Variants in SPOCK1 observed in about 807,000 individuals in gnomAD.
The protein encoded by SPOCK1 is SPARC (osteonectin), cwcv and kazal like domains proteoglycan 1.
Under a neutral mutation model 55.3 loss-of-function variants are expected in SPOCK1, and 23 were observed. The ratio of observed to expected loss-of-function variants is 0.42; its 90% CI spans 0.30 to 0.59. The LOEUF is 0.59. SPOCK1 is among the 20% of genes least tolerant of loss of function. SPOCK1 has a pLI of 0.22. For missense variants in SPOCK1, 499 were observed against 552.5 expected, an observed-to-expected ratio of 0.90 and a Z score of 0.97; for synonymous variants, 226 against 221.0, an observed-to-expected ratio of 1.02 and a Z score of -0.20.
intron 2 of SPOCK1, among the ~76,000 whole-genome samples, chr5:137,465,367 C>A (rs540192732): frequency 1.3e-5 from 2 of 152,062 alleles, no homozygotes; most frequent in Admixed American, 6.6e-5. Context: ...ACACCATGGG[C>A]AAAGCAAAGC....
chr5:137,469,835 C>A (rs1012529901), intron 2 of SPOCK1, among the ~76,000 whole-genome samples: 1 of 152,152 alleles, frequency 6.6e-6, no homozygotes, highest in Non-Finnish European at 1.5e-5. Context: ...TGGCCACCCC[C>A]ACCCAAGAGG....
rs1561617756 is a variant in SPOCK1 at position 137,123,345 on chromosome 5, TC to T, written c.348-10785del. Among the ~76,000 whole-genome samples the T allele has an allele frequency of 7.9e-5, 12 of 152,238 alleles. No individual in the cohort carries two copies. In the South Asian group the frequency reaches 2.5e-3, roughly 32 times the overall value. The stretch of plus-strand genomic sequence containing the variant: ...ACTTGTCTTCTGCTGGTATGCCCCA[TC>T]CGTTCCCAAAGGTGAGCTCAAGTAG... On this transcript the variant is annotated intron_variant, in intron 4 of 10. Transcript: ENST00000394945.
At chr5:137,318,509 G>A (rs1296507820) in intron 2 of SPOCK1, among the ~76,000 whole-genome samples, 2 of 152,166 alleles carry the variant, frequency 1.3e-5, no homozygotes, top group Non-Finnish European at 2.9e-5. Flanking sequence ...ATCCCTCTCA[G>A]TACCTTGAGA....
intron 2 of SPOCK1, among the ~76,000 whole-genome samples, chr5:137,355,692 G>A (rs988920884): frequency 2.0e-5 from 3 of 152,092 alleles, no homozygotes; most frequent in Non-Finnish European, 2.9e-5. Context: ...TTTGCATCAA[G>A]GACCTGAGCC....
intron 3 of SPOCK1, among the ~76,000 whole-genome samples, chr5:137,265,513 T>A (rs1018342489): frequency 3.3e-5 from 5 of 152,238 alleles, no homozygotes; most frequent in African/African-American, 1.2e-4. Context: ...CCAGTATTCT[T>A]CATAGATAAA....
intron 2 of SPOCK1, among the ~76,000 whole-genome samples, chr5:137,394,836 C>A: frequency 6.6e-6 from 1 of 152,176 alleles, no homozygotes; most frequent in Non-Finnish European, 1.5e-5. Context: ...ATCTGGGGGT[C>A]CTTAACCCAA....
At chr5:137,225,264 AGTTAG>A (rs1329165676) in intron 3 of SPOCK1, among the ~76,000 whole-genome samples, 2 of 152,056 alleles carry the variant, frequency 1.3e-5, no homozygotes, top group Non-Finnish European at 2.9e-5. Context: ...ATCTTGAGAG[AGTTAG>A]TTAACTGCTC....
At chr5:137,164,338 T>C (rs554957690) in intron 3 of SPOCK1, among the ~76,000 whole-genome samples, 2 of 152,148 alleles carry the variant, frequency 1.3e-5, no homozygotes, top group East Asian at 1.9e-4. Context: ...AGACACACCA[T>C]GGGACAGAAG....
intron 2 of SPOCK1, among the ~76,000 whole-genome samples, chr5:137,442,694 C>G (rs781240342): frequency 2.6e-5 from 4 of 152,180 alleles, no homozygotes; most frequent in Non-Finnish European, 5.9e-5. Context: ...CATGTGCACT[C>G]AAGGAAGGAA....
intron 10 of SPOCK1, 70 bp from the exon 11 acceptor site, chr5:136,978,914 T>C: frequency 6.8e-7 from 1 of 1,479,776 alleles, no homozygotes. Flanking sequence ...GGGGTTCCTT[T>C]GCCTGAATTG....
intron 2 of SPOCK1, among the ~76,000 whole-genome samples, chr5:137,393,085 C>G (rs888729006): frequency 1.3e-5 from 2 of 152,134 alleles, no homozygotes; most frequent in African/African-American, 4.8e-5. Flanking sequence ...TCTGCCCACC[C>G]CCTGCATCTA....
chr5:137,043,896 T>C (rs887129202), intron 6 of SPOCK1, among the ~76,000 whole-genome samples: 1 of 152,198 alleles, frequency 6.6e-6, no homozygotes, highest in African/African-American at 2.4e-5. Flanking sequence ...ACATGGACTT[T>C]AGCTGATTAT....
chr5:137,422,292 T>C (rs1478629071), intron 2 of SPOCK1, among the ~76,000 whole-genome samples: 1 of 152,214 alleles, frequency 6.6e-6, no homozygotes, highest in Non-Finnish European at 1.5e-5. Context: ...GGAGTATCTT[T>C]GTGGCATTCT....
Position 137,404,928 on chromosome 5 carries a change from T to C in SPOCK1, c.186+93445A>G, listed in dbSNP as rs189415701. 2.3e-3 allele frequency among the ~76,000 whole-genome samples: 354 copies of C among 152,326 alleles called. 9 individuals carry two copies. Among genetic ancestry groups the C allele is most frequent in the Admixed American group, 0.02 (309 of 15,310 alleles). On this transcript the variant is annotated intron_variant, in intron 2 of 10. Transcript: ENST00000394945. ...GCTTATTAGTTTTTATGTTTAAAAA[T>C]ACTCCATCCTTCCATTCAAATCTGG... is the stretch of plus-strand genomic sequence containing the variant.
chr5:137,404,624 T>A (rs1198028443), intron 2 of SPOCK1, among the ~76,000 whole-genome samples: 1 of 151,122 alleles, frequency 6.6e-6, no homozygotes, highest in Admixed American at 6.6e-5. Context: ...TTCACTATGC[T>A]GGCTAGGCTG....
At chr5:137,254,310 C>T (rs1756593867) in intron 3 of SPOCK1, among the ~76,000 whole-genome samples, 1 of 152,086 alleles carries the variant, frequency 6.6e-6, no homozygotes, top group African/African-American at 2.4e-5. Flanking sequence ...TTTCATAATA[C>T]CTGCTTGAAA....
Position 137,112,492 on chromosome 5 carries a change from A to T in SPOCK1, c.417T>A (p.Cys139Ter), listed in dbSNP as rs750002255. 6.2e-7 allele frequency: 1 copy of T among 1,613,924 alleles called. No homozygotes were observed. Among genetic ancestry groups the T allele is most frequent in the South Asian group, 1.1e-5 (1 of 91,060 alleles). ...GPSNLVKCKP[C>*]PVAQSAMVCG... ...AGACCATGGCTGACTGTGCCACGGG[A>T]CAGGGCTTGCACTTGACCAAATTCG... The change falls in exon 5 of 11, where the codon TGT becomes TGA. Residue 139 changes from cysteine to a stop codon, truncating the protein, a stop_gained. Transcript: ENST00000394945. LOFTEE classifies it high-confidence loss of function.
intron 2 of SPOCK1, among the ~76,000 whole-genome samples, chr5:137,321,613 C>T (rs997229877): frequency 2.6e-5 from 4 of 152,082 alleles, no homozygotes; most frequent in Non-Finnish European, 4.4e-5. Flanking sequence ...CGGTGGTTCA[C>T]GCCTGTAATC....
At chr5:137,409,275 C>T (rs1752162566) in intron 2 of SPOCK1, among the ~76,000 whole-genome samples, 1 of 152,222 alleles carries the variant, frequency 6.6e-6, no homozygotes, top group Non-Finnish European at 1.5e-5. Context: ...ATTTGTTATA[C>T]CCTTCATAGG....
Sources: gnomAD v4.1 joint callset for allele counts (sites outside exome capture counted in the v4.1 genomes callset) on GRCh38, gnomAD v4.1.1 for gene constraint, MANE v1.5 for transcripts, NCBI Gene and HGNC (gene_info 2026-07-23, HGNC 2026-07-21) for gene names.